The following PEX1 variants were observed in gnomAD, a reference collection of about 807,000 sequenced individuals.
PEX1 encodes peroxisomal biogenesis factor 1.
PEX1 carries 97 observed loss-of-function variants against 152.5 expected under a neutral mutation model. The observed-to-expected ratio is 0.64, with a 90% confidence interval of 0.54 to 0.75. The LOEUF (loss-of-function observed/expected upper bound fraction) is 0.75. PEX1 is among the 30% of genes least tolerant of loss of function. The pLI is 0.00. For synonymous variants in PEX1, 485 were observed against 531.6 expected, an observed-to-expected ratio of 0.91 and a Z score of 1.21; for missense variants, 1,357 against 1,516.3, an observed-to-expected ratio of 0.89 and a Z score of 1.74.
intron 6 of PEX1, 84 bp downstream of exon 6, chr7:92,513,764 C>T: frequency 1.0e-6 from 1 of 996,936 alleles, no homozygotes; most frequent in Non-Finnish European, 1.6e-6. Flanking sequence ...AGGAATACAA[C>T]ATTCTTATTA....
At chr7:92,512,328 T>C (rs550426428) in intron 6 of PEX1, among the ~76,000 whole-genome samples, 2 of 151,996 alleles carry the variant, frequency 1.3e-5, no homozygotes, top group African/African-American at 4.8e-5. Flanking sequence ...GGCCTAATAA[T>C]CTATTTAAAA....
chr7:92,490,694 TATAG>T (rs1791256453), intron 21 of PEX1, among the ~76,000 whole-genome samples: 1 of 137,570 alleles, frequency 7.3e-6, no homozygotes, highest in Non-Finnish European at 1.6e-5. Flanking sequence ...CCAGGAAACA[TATAG>T]ATAACCAAAC....
Position 92,501,600 on chromosome 7 carries a change from G to A in PEX1, c.2490C>T (p.Asn830=). ...AACCCAGGTCTCTAGGTTTATGCAGGTTGACACTTCGCAAAGACGCAGGAA... is the reference window on the plus strand; with the variant it reads ...AACCCAGGTCTCTAGGTTTATGCAGATTGACACTTCGCAAAGACGCAGGAA... ...GFLPASLRSV[N]LHKPRDLGWD... Residue 830 remains asparagine, a synonymous_variant, in exon 15 of 24, where the codon AAC becomes AAT. Coordinates refer to ENST00000248633, the MANE Select transcript of PEX1 (RefSeq NM_000466.3). The A allele has an allele frequency of 6.2e-7, 1 of 1,613,836 alleles. No homozygotes were observed. Among genetic ancestry groups the A allele is most frequent in the Non-Finnish European group, 8.5e-7 (1 of 1,179,740 alleles).
chr7:92,493,856 T>A (rs1585219512), intron 19 of PEX1: 1 of 195,766 alleles, frequency 5.1e-6, no homozygotes, highest in Non-Finnish European at 1.1e-5. Flanking sequence ...ATTTGTTTGC[T>A]TCTAAATTGG....
chr7:92,498,614 T>C (rs1791773212), intron 16 of PEX1, among the ~76,000 whole-genome samples: 1 of 152,222 alleles, frequency 6.6e-6, no homozygotes, highest in Admixed American at 6.5e-5. Flanking sequence ...GTTAAACTAA[T>C]ATTGCTGATG....
chr7:92,528,464 C>T lies in PEX1; in HGVS notation c.-29G>A. 6 of 1,553,224 alleles carry T rather than the reference C, an allele frequency of 3.9e-6. No individual in the cohort carries two copies. Among genetic ancestry groups the T allele is most frequent in the Non-Finnish European group, 5.2e-6 (6 of 1,150,640 alleles). ...CCCGGAGCGTCGCTCTGGGTTCGCCCACCCTAGCGCCGCAAAGGACCCGGG... is the reference window on the plus strand; with the variant it reads ...CCCGGAGCGTCGCTCTGGGTTCGCCTACCCTAGCGCCGCAAAGGACCCGGG... On this transcript the variant is annotated 5_prime_UTR_variant, in exon 1 of 24. Coordinates refer to ENST00000248633, the MANE Select transcript of PEX1 (RefSeq NM_000466.3).
chr7:92,494,742 T>G (rs1445837281), intron 17 of PEX1, 113 bp from the exon 18 acceptor site: 1 of 620,648 alleles, frequency 1.6e-6, no homozygotes, highest in African/African-American at 2.0e-5. Context: ...ATTTATATAC[T>G]TCTTTTAATT....
At chr7:92,496,409 A>G (rs1192478634) in intron 17 of PEX1, among the ~76,000 whole-genome samples, 1 of 152,164 alleles carries the variant, frequency 6.6e-6, no homozygotes, top group African/African-American at 2.4e-5. Context: ...ATTTAGAGAT[A>G]AATTAGGGGC....
At chr7:92,524,934 A>G (rs141328909) in intron 1 of PEX1, among the ~76,000 whole-genome samples, 326 of 152,350 alleles carry the variant, frequency 2.1e-3, no homozygotes, top group African/African-American at 7.6e-3. Flanking sequence ...AAGAAACTTA[A>G]GAGATGGAAA....
intron 21 of PEX1, among the ~76,000 whole-genome samples, chr7:92,490,613 T>C (rs1428048406): frequency 8.0e-6 from 1 of 125,740 alleles, no homozygotes; most frequent in African/African-American, 3.2e-5. Flanking sequence ...CTAGTCTGGA[T>C]GATAGAGTGA....
intron 2 of PEX1, among the ~76,000 whole-genome samples, chr7:92,519,433 T>G (rs1214604872): frequency 6.6e-6 from 1 of 152,182 alleles, no homozygotes. Context: ...TACTTATTCT[T>G]AGCCAAGACT....
intron 15 of PEX1, 78 bp from the exon 16 acceptor site, chr7:92,499,916 G>A: frequency 5.9e-6 from 7 of 1,192,772 alleles, no homozygotes; most frequent in Non-Finnish European, 8.5e-6. Flanking sequence ...AAAGATCAAT[G>A]TATAGAAAAA....
chr7:92,490,152 T>C, intron 21 of PEX1: 1 of 524,192 alleles, frequency 1.9e-6, no homozygotes, highest in Non-Finnish European at 3.4e-6. Flanking sequence ...GGTAGGTTTT[T>C]TTAACTTTGT....
chr7:92,500,028 A>G lies in PEX1; in HGVS notation c.2584-190T>C, dbSNP rs147307969. On this transcript the variant is annotated intron_variant, in intron 15 of 23. Coordinates refer to ENST00000248633, the MANE Select transcript of PEX1 (RefSeq NM_000466.3). ...AACTGTAAATGAACTCAAAGGAACT[A>G]CGACAAATTTTTTCCAATTAAGAAC... Among the ~76,000 whole-genome samples the G allele has an allele frequency of 1.5e-3, 224 of 152,342 alleles. 1 individual carries two copies. Among genetic ancestry groups the G allele is most frequent in the African/African-American group, 5.0e-3 (209 of 41,586 alleles).
At chr7:92,492,038 C>T (rs1369963184) in intron 20 of PEX1, among the ~76,000 whole-genome samples, 1 of 152,136 alleles carries the variant, frequency 6.6e-6, no homozygotes, top group African/African-American at 2.4e-5. Context: ...ATGGTAAAGT[C>T]TATAATGTAA....
At chr7:92,512,526 C>G (rs554773910) in intron 6 of PEX1, among the ~76,000 whole-genome samples, 1 of 150,866 alleles carries the variant, frequency 6.6e-6, no homozygotes, top group South Asian at 2.1e-4. Context: ...GAGTCTCGCT[C>G]TGTTACCCAG....
chr7:92,502,964 A>G (rs1585233186), intron 13 of PEX1, 77 bp downstream of exon 13: 2 of 1,253,560 alleles, frequency 1.6e-6, no homozygotes, highest in East Asian at 4.9e-5. Flanking sequence ...ATTTAAAGCC[A>G]CGAATTACTA....
rs901221631 is a variant in PEX1 at position 92,514,556 on chromosome 7, A to G, written c.1240-589T>C. Among the ~76,000 whole-genome samples, 14 of 152,292 alleles carry G rather than the reference A, an allele frequency of 9.2e-5. No individual in the cohort carries two copies. In the East Asian group the frequency reaches 9.7e-4, roughly 10 times the overall value. On this transcript the variant is annotated intron_variant, in intron 5 of 23. Transcript: ENST00000248633. ...CTTTATTTGTGAAAGTTAACAACCA[A>G]TGAAGAAGCTGGAATGGCCAAAACT...
At chr7:92,521,313 AAAC>A (rs1793039257) in intron 2 of PEX1, among the ~76,000 whole-genome samples, 1 of 152,246 alleles carries the variant, frequency 6.6e-6, no homozygotes, top group Non-Finnish European at 1.5e-5. Flanking sequence ...ATAACTTGAT[AAAC>A]ATAAGAAAAC....
Sources: gnomAD v4.1 joint callset for allele counts (sites outside exome capture counted in the v4.1 genomes callset) on GRCh38, gnomAD v4.1.1 for gene constraint, MANE v1.5 for transcripts, NCBI Gene and HGNC (gene_info 2026-07-23, HGNC 2026-07-21) for gene names.